CYB5A: variants seen among roughly 807,000 people sequenced by gnomAD.
CYB5A encodes cytochrome b5 type A.
CYB5A carries 10 observed loss-of-function variants against 16.2 expected under a neutral mutation model. The ratio of observed to expected loss-of-function variants is 0.62; its 90% CI spans 0.38 to 1.04. CYB5A has a LOEUF of 1.04. Among genes scored for constraint, CYB5A ranks in the 50% least tolerant of loss-of-function variants. The probability of loss-of-function intolerance (pLI) is 0.01; values close to 1 mark genes in which losing one functional copy is unlikely to be tolerated. For missense variants in CYB5A, 161 were observed against 165.9 expected (o/e 0.97, Z 0.16); for synonymous variants, 62 against 57.0 (o/e 1.09, Z -0.40).
chr18:74,256,548 G>A (rs1276843935), intron 3 of CYB5A: 4 of 494,172 alleles, frequency 8.1e-6, no homozygotes, highest in Non-Finnish European at 1.4e-5. Context: ...AAAAGCTAAG[G>A]TCTAGTGAAA....
rs1412616334 is a variant in CYB5A at position 74,258,554 on chromosome 18, A to C, written c.288+2361T>G. The C allele has an allele frequency of 3.9e-5, 6 of 152,328 alleles. No homozygotes were observed. The East Asian group carries it at 1.2e-3, about 29-fold the overall frequency. 9.4% of individuals were successfully genotyped at this position (152,328 alleles called of 1,614,324 possible). A position where few individuals can be genotyped will look rare whatever the true frequency, so the allele number is the denominator to read the frequency against. On this transcript the variant is annotated intron_variant, in intron 3 of 4. Coordinates refer to ENST00000340533, the MANE Select transcript of CYB5A (RefSeq NM_148923.4). ...GCAACATCTCAAAACTTTAGACCAC[A>C]GTGTACATTCTTCAACCTGGAGATC... is the stretch of plus-strand genomic sequence containing the variant.
Position 74,291,930 on chromosome 18 carries a change from G to A in CYB5A, c.-55C>T. 2 of 1,603,964 alleles carry A rather than the reference G, an allele frequency of 1.2e-6. No homozygotes were observed. Among genetic ancestry groups the A allele is most frequent in the Admixed American group, 3.3e-5 (2 of 60,002 alleles). On this transcript the variant is annotated 5_prime_UTR_variant, in exon 1 of 5. Coordinates refer to ENST00000340533, the MANE Select transcript of CYB5A (RefSeq NM_148923.4). Reference sequence around the variant, plus strand: ...ACACAGCCCCGTCGGGTGGAGCAGAGCGCGCGACTCAGCCAGCTCCACCCG... The same window carrying A: ...ACACAGCCCCGTCGGGTGGAGCAGAACGCGCGACTCAGCCAGCTCCACCCG...
chr18:74,276,528 GCACA>G (rs57747358), intron 1 of CYB5A, among the ~76,000 whole-genome samples: 16,774 of 144,962 alleles, frequency 0.12, 1,162 homozygotes, highest in Admixed American at 0.21. Context: ...AAAAGATTCA[GCACA>G]CACACACACA....
At chr18:74,273,451 A>G (rs1389682877) in intron 1 of CYB5A, among the ~76,000 whole-genome samples, 1 of 152,264 alleles carries the variant, frequency 6.6e-6, no homozygotes, top group Non-Finnish European at 1.5e-5. Flanking sequence ...CACTATTTAC[A>G]GTCCTTTAGA....
At chr18:74,286,529 T>C (rs1456906506) in intron 1 of CYB5A, among the ~76,000 whole-genome samples, 1 of 152,240 alleles carries the variant, frequency 6.6e-6, no homozygotes, top group East Asian at 1.9e-4. Flanking sequence ...TGTTCTCACA[T>C]ATATCATTTC....
rs766615800 is a variant in CYB5A at position 74,253,558 on chromosome 18, TC to T, written c.*25del. The T allele has an allele frequency of 3.9e-6, 6 of 1,534,048 alleles. No individual in the cohort carries two copies. The highest frequency in any genetic ancestry group is 5.4e-6 in the Non-Finnish European group (6 of 1,108,336). On this transcript the variant is annotated 3_prime_UTR_variant, in exon 5 of 5. Transcript: ENST00000340533. ...TTCTCCCGTGTCCAAAGCAGGCTCT[TC>T]CTGCGCTGACTTCTGAGGAGGTGTT...
intron 1 of CYB5A, among the ~76,000 whole-genome samples, chr18:74,272,836 T>G (rs1334613206): frequency 6.6e-6 from 1 of 151,940 alleles, no homozygotes; most frequent in East Asian, 1.9e-4. Flanking sequence ...GCAGGAGAAT[T>G]GCTTGAACCC....
At chr18:74,264,939 C>T (rs140676084) in intron 1 of CYB5A, among the ~76,000 whole-genome samples, 6 of 91,034 alleles carry the variant, frequency 6.6e-5, no homozygotes, top group South Asian at 4.7e-4. Context: ...ATCCTAAATA[C>T]GTACTTTTGT....
chr18:74,291,656 G>C, intron 1 of CYB5A, 91 bp downstream of exon 1: 3 of 1,585,042 alleles, frequency 1.9e-6, no homozygotes, highest in Non-Finnish European at 2.6e-6. Context: ...GTAGGTATGC[G>C]GACTCCGGGC....
chr18:74,287,737 C>T (rs1038856905), intron 1 of CYB5A, among the ~76,000 whole-genome samples: 3 of 152,152 alleles, frequency 2.0e-5, no homozygotes, highest in East Asian at 3.8e-4. Flanking sequence ...ATCTATTTCA[C>T]GAATCAAACA....
chr18:74,276,563 C>CACACACACACACA (rs1555689979), intron 1 of CYB5A, among the ~76,000 whole-genome samples: 7 of 149,622 alleles, frequency 4.7e-5, no homozygotes, highest in Non-Finnish European at 8.9e-5. Context: ...CACACACACA[C>CACACACACACACA]CCTTCTGTCA....
At chr18:74,261,997 C>T (rs1982220947) in intron 2 of CYB5A, among the ~76,000 whole-genome samples, 2 of 152,272 alleles carry the variant, frequency 1.3e-5, no homozygotes, top group South Asian at 4.1e-4. Context: ...GAGTGTGCGG[C>T]CCCAGGATCC....
chr18:74,271,065 T>C (rs1982650425), intron 1 of CYB5A, among the ~76,000 whole-genome samples: 2 of 152,234 alleles, frequency 1.3e-5, no homozygotes. Flanking sequence ...TTCATAGCAC[T>C]CTACTTTTCC....
intron 1 of CYB5A, among the ~76,000 whole-genome samples, chr18:74,280,752 T>C (rs565127149): frequency 3.3e-5 from 5 of 152,276 alleles, no homozygotes; most frequent in Admixed American, 1.3e-4. Flanking sequence ...TGCTTTTCCA[T>C]CTCTGTCAAC....
chr18:74,254,604 C>G (rs1314570310), intron 4 of CYB5A, among the ~76,000 whole-genome samples: 1 of 151,764 alleles, frequency 6.6e-6, no homozygotes, highest in Non-Finnish European at 1.5e-5. Flanking sequence ...ACTGCAAGCT[C>G]CGCCTCCTGG....
chr18:74,282,905 G>A (rs1983173572), intron 1 of CYB5A, among the ~76,000 whole-genome samples: 1 of 152,136 alleles, frequency 6.6e-6, no homozygotes, highest in Admixed American at 6.5e-5. Context: ...AGGACAATCT[G>A]TTTCCAAAAG....
At chr18:74,271,347 G>A (rs974876770) in intron 1 of CYB5A, among the ~76,000 whole-genome samples, 4 of 152,180 alleles carry the variant, frequency 2.6e-5, no homozygotes, top group African/African-American at 9.7e-5. Flanking sequence ...TAAACTCACA[G>A]CAGCTGAGAT....
intron 1 of CYB5A, among the ~76,000 whole-genome samples, chr18:74,267,994 G>A (rs1170369688): frequency 6.6e-6 from 1 of 152,196 alleles, no homozygotes; most frequent in African/African-American, 2.4e-5. Context: ...CACGTGAGCT[G>A]ACCCTAACGG....
At chr18:74,279,558 A>C (rs188401211) in intron 1 of CYB5A, among the ~76,000 whole-genome samples, 264 of 142,644 alleles carry the variant, frequency 1.9e-3, no homozygotes, top group African/African-American at 6.2e-3. Context: ...AATAAAAATA[A>C]ATAAAAAACA....
Sources: allele counts gnomAD v4.1 joint callset (sites outside exome capture counted in the v4.1 genomes callset), GRCh38; gene constraint gnomAD v4.1.1; transcripts MANE v1.5; gene names NCBI Gene and HGNC (gene_info 2026-07-23, HGNC 2026-07-21).